The following RMDN2 variants were observed in gnomAD, a reference collection of about 807,000 sequenced individuals.
RMDN2 encodes the protein regulator of microtubule dynamics 2, also known as regulator of microtubule dynamics protein 2.
In RMDN2, 61 loss-of-function variants were observed where a neutral mutation model predicts 52.8. The observed-to-expected ratio is 1.16, with a 90% confidence interval of 0.94 to 1.43. RMDN2 has a LOEUF of 1.43. RMDN2 is among the 40% of genes most tolerant of loss of function. The pLI is 0.00. For missense variants in RMDN2, 592 were observed against 475.3 expected (o/e 1.25, Z -2.28); for synonymous variants, 180 against 153.1 (o/e 1.18, Z -1.30).
intron 2 of RMDN2, among the ~76,000 whole-genome samples, chr2:37,937,662 A>G (rs180821988): frequency 1.2e-4 from 19 of 152,228 alleles, no homozygotes; most frequent in African/African-American, 3.9e-4. Context: ...TGTAGCAATT[A>G]TGAATGGGAG....
Position 37,984,494 on chromosome 2 carries a change from A to G in RMDN2, c.791+3151A>G, listed in dbSNP as rs569308233. 1.9e-4 allele frequency among the ~76,000 whole-genome samples: 29 copies of G among 152,382 alleles called. No individual in the cohort carries two copies. The South Asian group carries it at 4.6e-3, about 24-fold the overall frequency. On this transcript the variant is annotated intron_variant, in intron 5 of 10. Coordinates refer to ENST00000354545, the MANE Select transcript of RMDN2 (RefSeq NM_001170791.3). Reference sequence around the variant, plus strand: ...TGTGCATGCACGCATGAATGTGTGTATTGATTAGTAATCAGAGCAATACAA... The same window carrying G: ...TGTGCATGCACGCATGAATGTGTGTGTTGATTAGTAATCAGAGCAATACAA...
intron 1 of RMDN2, among the ~76,000 whole-genome samples, chr2:37,927,250 A>G (rs564137267): frequency 1.3e-5 from 2 of 152,318 alleles, no homozygotes; most frequent in East Asian, 3.9e-4. Flanking sequence ...TGCTTTCCAA[A>G]TCTCCCACAT....
rs1678972264 is a variant in RMDN2, at chr2:38,017,535, C to T, written c.*296C>T. The T allele has an allele frequency of 3.6e-6, 4 of 1,117,014 alleles. No individual in the cohort carries two copies. Among genetic ancestry groups the T allele is most frequent in the Non-Finnish European group, 2.4e-6 (2 of 844,724 alleles). 69.2% of individuals were successfully genotyped at this position (1,117,014 alleles called of 1,614,324 possible). A position where few individuals can be genotyped will look rare whatever the true frequency, so the allele number is the denominator to read the frequency against. ...TTTCTTTAAATAAAATATTTAAATC[C>T]AATAAAATGAATTCTCATGAATATT... On this transcript the variant is annotated 3_prime_UTR_variant, in exon 11 of 11. Transcript: ENST00000354545.
chr2:38,030,073 CAT>C (rs997376599), intron 10 of RMDN2, among the ~76,000 whole-genome samples: 1 of 152,158 alleles, frequency 6.6e-6, no homozygotes. Flanking sequence ...CCTCCCACAA[CAT>C]GTGGGAATTA....
chr2:37,974,113 G>C lies in RMDN2; in HGVS notation c.526G>C (p.Glu176Gln). ...VPKAFNTRVE[E>Q]LNLDVLLQKV... Reference sequence around the variant, plus strand: ...TAAGGCATTTAACACACGTGTAGAGGAATTAAATTTAGATGTCCTTCTTCA... The same window carrying C: ...TAAGGCATTTAACACACGTGTAGAGCAATTAAATTTAGATGTCCTTCTTCA... The change falls in exon 3 of 11, where the codon GAA becomes CAA. Residue 176 changes from glutamate to glutamine, a missense_variant. Physicochemically the swap from Glu to Gln is conservative, Grantham distance 29. Transcript: ENST00000354545. 6.2e-7 allele frequency: 1 copy of C among 1,612,860 alleles called. No individual in the cohort carries two copies. The highest frequency in any genetic ancestry group is 8.5e-7 in the Non-Finnish European group (1 of 1,179,046).
Position 37,981,237 on chromosome 2 carries a change from A to G in RMDN2, c.731-46A>G, listed in dbSNP as rs201138237. ...GAGTTAATTCAATAATCCACCTCCT[A>G]CCAACTCACATGAAGGTATTAAGTG... On this transcript the variant is annotated intron_variant, in intron 4 of 10. Transcript: ENST00000354545. 15 of 1,149,486 alleles carry G rather than the reference A, an allele frequency of 1.3e-5. No homozygotes were observed. The East Asian group carries it at 1.9e-4, about 14-fold the overall frequency. 71.2% of individuals were successfully genotyped at this position (1,149,486 alleles called of 1,614,324 possible). A position where few individuals can be genotyped will look rare whatever the true frequency, so the allele number is the denominator to read the frequency against.
At chr2:37,965,611 T>C (rs1558482631) in intron 2 of RMDN2, among the ~76,000 whole-genome samples, 1 of 152,216 alleles carries the variant, frequency 6.6e-6, no homozygotes, top group East Asian at 1.9e-4. Flanking sequence ...CTTTTTACTT[T>C]TCTCTTTAGA....
chr2:37,942,406 C>A (rs1325966472), intron 2 of RMDN2, among the ~76,000 whole-genome samples: 2 of 152,082 alleles, frequency 1.3e-5, no homozygotes, highest in East Asian at 3.8e-4. Flanking sequence ...TGAACACTTT[C>A]CTTCATAATT....
In RMDN2 at chr2:37,961,293, G is replaced by T. The variant is rs141479495; in HGVS notation, c.453-12747G>T. The stretch of plus-strand genomic sequence containing the variant: ...TATCCTGAAGAGTGTTTTCCAACTT[G>T]GTTCCATTCTCCCTATCACTTTCAG... On this transcript the variant is annotated intron_variant, in intron 2 of 10. Transcript: ENST00000354545. Among the ~76,000 whole-genome samples, 957 of 152,088 alleles carry T rather than the reference G, an allele frequency of 6.3e-3. 11 individuals are homozygous for T. Among genetic ancestry groups the T allele is most frequent in the African/African-American group, 0.021 (889 of 41,498 alleles).
At chr2:37,945,093 T>C (rs1231729521) in intron 2 of RMDN2, among the ~76,000 whole-genome samples, 1 of 152,204 alleles carries the variant, frequency 6.6e-6, no homozygotes, top group Non-Finnish European at 1.5e-5. Flanking sequence ...TCTGGTGACA[T>C]GGAAACTGAC....
At chr2:38,046,819 C>T (rs992056726) in intron 10 of RMDN2, among the ~76,000 whole-genome samples, 7 of 151,976 alleles carry the variant, frequency 4.6e-5, no homozygotes, top group Non-Finnish European at 1.0e-4. Context: ...CCCGTCTCTA[C>T]GAAAAATACA....
At chr2:38,061,646 C>CACACCCACATACACACAT (rs1682055563) in intron 10 of RMDN2, among the ~76,000 whole-genome samples, 2 of 149,828 alleles carry the variant, frequency 1.3e-5, no homozygotes, top group African/African-American at 4.9e-5. Context: ...CACACACACA[C>CACACCCACATACACACAT]ACACACATAC....
chr2:37,921,779 G>T (rs1417250806), upstream of RMDN2, among the ~76,000 whole-genome samples: 2 of 152,208 alleles, frequency 1.3e-5, no homozygotes, highest in South Asian at 4.1e-4. Context: ...TGACTATGTG[G>T]CCTGGGACAA....
At chr2:37,976,940 G>A (rs545512511) in intron 4 of RMDN2, among the ~76,000 whole-genome samples, 1 of 152,096 alleles carries the variant, frequency 6.6e-6, no homozygotes, top group South Asian at 2.1e-4. Context: ...GGGAAGGTCA[G>A]CAGATAAACA....
intron 2 of RMDN2, among the ~76,000 whole-genome samples, chr2:37,936,274 A>G (rs1667280052): frequency 6.6e-6 from 1 of 152,186 alleles, no homozygotes; most frequent in Admixed American, 6.5e-5. Flanking sequence ...TGTATGTGAC[A>G]CATTTTCTTT....
intron 10 of RMDN2, among the ~76,000 whole-genome samples, chr2:38,053,723 T>C (rs1347600889): frequency 2.0e-5 from 3 of 152,242 alleles, no homozygotes; most frequent in African/African-American, 7.2e-5. Context: ...CTATTTGATC[T>C]TATTCAGTGG....
chr2:37,922,421 T>TAAA (rs111938013), upstream of RMDN2, among the ~76,000 whole-genome samples: 2,382 of 144,402 alleles, frequency 0.016, 56 homozygotes, highest in African/African-American at 0.051. Flanking sequence ...AAATAAAACC[T>TAAA]AAAAAAAAAA....
chr2:37,929,657 GA>G lies in RMDN2; in HGVS notation c.385del (p.Arg129GlufsTer46). ...AAGATAAGCCCTCAGCACAGAGCGA[GA>G]AAAAGAAGACTCCCCACAATTCAAA... ...VHKISPQHRARKRRLPTIQSS... is the reference protein window; with the variant it reads ...VHKISPQHRAXKRRLPTIQSS... On this transcript the variant is annotated frameshift_variant, in exon 2 of 11. Coordinates refer to ENST00000354545, the MANE Select transcript of RMDN2 (RefSeq NM_001170791.3). LOFTEE classifies it high-confidence loss of function. 6.5e-7 allele frequency: 1 copy of G among 1,541,494 alleles called. No homozygotes were observed. The highest frequency in any genetic ancestry group is 2.4e-5 in the East Asian group (1 of 40,842).
At chr2:37,932,998 A>AG (rs1210277984) in intron 2 of RMDN2, among the ~76,000 whole-genome samples, 10 of 148,954 alleles carry the variant, frequency 6.7e-5, no homozygotes, top group African/African-American at 2.0e-4. Flanking sequence ...TGCTGGGTGG[A>AG]GGGGCTCCTC....
Sources: allele counts gnomAD v4.1 joint callset (sites outside exome capture counted in the v4.1 genomes callset), GRCh38; gene constraint gnomAD v4.1.1; transcripts MANE v1.5; gene names NCBI Gene and HGNC (gene_info 2026-07-23, HGNC 2026-07-21).